CHRM3: variants seen among roughly 807,000 people sequenced by gnomAD.
The protein encoded by CHRM3 is muscarinic acetylcholine receptor M3.
CHRM3 carries 11 observed loss-of-function variants against 41.8 expected under a neutral mutation model. That is an observed-to-expected ratio of 0.26 (90% CI 0.17 to 0.44). The LOEUF is 0.44. Ranked by LOEUF, CHRM3 falls within the 20% of genes least tolerant of loss-of-function variation. The pLI is 1.00. For synonymous variants in CHRM3, 297 were observed against 301.4 expected (o/e 0.99, Z 0.15); for missense variants, 571 against 745.4 (o/e 0.77, Z 2.72).
intron 5 of CHRM3, among the ~76,000 whole-genome samples, chr1:239,757,869 G>A (rs755344138): frequency 6.6e-6 from 1 of 152,168 alleles, no homozygotes; most frequent in African/African-American, 2.4e-5. Context: ...TGAAGCAGCA[G>A]TGGCTTAAGC....
At chr1:239,886,424 C>G (rs1218352012) in intron 6 of CHRM3, 1 of 152,116 alleles carries the variant, frequency 6.6e-6, no homozygotes, top group Non-Finnish European at 1.5e-5. Context: ...TAGACGTTCC[C>G]ATGGCAACAT....
chr1:239,516,656 A>G (rs1669292590), intron 2 of CHRM3, among the ~76,000 whole-genome samples: 1 of 152,208 alleles, frequency 6.6e-6, no homozygotes, highest in African/African-American at 2.4e-5. Context: ...TTCTGGGAAG[A>G]TTAATGCAGG....
chr1:239,408,531 A>AC (rs1553294729), intron 1 of CHRM3, among the ~76,000 whole-genome samples: 1 of 150,968 alleles, frequency 6.6e-6, no homozygotes, highest in African/African-American at 2.4e-5. Context: ...CAAAAAAAAA[A>AC]AAAAAAAAAA....
intron 3 of CHRM3, among the ~76,000 whole-genome samples, chr1:239,613,029 A>G (rs989024553): frequency 6.6e-6 from 1 of 152,240 alleles, no homozygotes; most frequent in African/African-American, 2.4e-5. Context: ...CTGACTGTGT[A>G]TGCTATTTTT....
intron 3 of CHRM3, among the ~76,000 whole-genome samples, chr1:239,584,712 C>T (rs1056197724): frequency 6.6e-6 from 1 of 152,038 alleles, no homozygotes; most frequent in Admixed American, 6.6e-5. Context: ...AAGGGATTTT[C>T]ATTAGAGTCC....
intron 2 of CHRM3, among the ~76,000 whole-genome samples, chr1:239,520,771 T>A (rs1269047134): frequency 6.6e-6 from 1 of 152,236 alleles, no homozygotes; most frequent in Admixed American, 6.5e-5. Context: ...GTAAGCTCCC[T>A]TAGGAAGATT....
chr1:239,831,428 C>A (rs1672888248), intron 6 of CHRM3, among the ~76,000 whole-genome samples: 1 of 152,130 alleles, frequency 6.6e-6, no homozygotes, highest in South Asian at 2.1e-4. Context: ...ATTAAGGCAA[C>A]ACAGTGTCAC....
At chr1:239,549,559 G>T (rs1188822187) in intron 3 of CHRM3, among the ~76,000 whole-genome samples, 1 of 151,018 alleles carries the variant, frequency 6.6e-6, no homozygotes, top group Non-Finnish European at 1.5e-5. Flanking sequence ...TGCCCGGGAG[G>T]CTGAGGCATG....
intron 5 of CHRM3, among the ~76,000 whole-genome samples, chr1:239,699,860 C>T (rs1660524137): frequency 1.3e-5 from 2 of 152,034 alleles, no homozygotes; most frequent in Non-Finnish European, 2.9e-5. Flanking sequence ...GAAACTGTGA[C>T]CAAAACTCTC....
intron 1 of CHRM3, among the ~76,000 whole-genome samples, chr1:239,415,221 C>G (rs942211029): frequency 1.3e-5 from 2 of 152,200 alleles, no homozygotes; most frequent in African/African-American, 4.8e-5. Context: ...AGGAGGATCA[C>G]CTGAGGTCAG....
intron 6 of CHRM3, among the ~76,000 whole-genome samples, chr1:239,831,670 T>G (rs1672905773): frequency 1.3e-5 from 2 of 152,180 alleles, no homozygotes; most frequent in Non-Finnish European, 1.5e-5. Context: ...ATATCTGTCC[T>G]CTGGAAATTA....
At chr1:239,420,038 A>G (rs1661823107) in intron 1 of CHRM3, among the ~76,000 whole-genome samples, 1 of 152,170 alleles carries the variant, frequency 6.6e-6, no homozygotes, top group Non-Finnish European at 1.5e-5. Context: ...CCGCATAACG[A>G]TGGTTTAAGA....
intron 3 of CHRM3, among the ~76,000 whole-genome samples, chr1:239,551,604 A>G (rs946228439): frequency 6.6e-6 from 1 of 152,004 alleles, no homozygotes; most frequent in South Asian, 2.1e-4. Flanking sequence ...TTTGATTTAA[A>G]TGTTTCTTCT....
intron 5 of CHRM3, among the ~76,000 whole-genome samples, chr1:239,796,755 G>T (rs1669809498): frequency 6.6e-6 from 1 of 152,048 alleles, no homozygotes; most frequent in South Asian, 2.1e-4. Context: ...TGGATATATT[G>T]CATGGTGGTG....
chr1:239,598,702 G>A (rs1665104819), intron 3 of CHRM3, among the ~76,000 whole-genome samples: 2 of 152,122 alleles, frequency 1.3e-5, no homozygotes, highest in Admixed American at 1.3e-4. Flanking sequence ...CTTAAAATTT[G>A]AATATGTCCA....
chr1:239,636,836 A>G (rs1350500041), intron 4 of CHRM3, among the ~76,000 whole-genome samples: 1 of 151,930 alleles, frequency 6.6e-6, no homozygotes, highest in Non-Finnish European at 1.5e-5. Flanking sequence ...ATCCCTCCCA[A>G]CCCTGCCTGC....
intron 6 of CHRM3, among the ~76,000 whole-genome samples, chr1:239,856,328 C>CG: frequency 6.6e-6 from 1 of 152,190 alleles, no homozygotes; most frequent in South Asian, 2.1e-4. Context: ...GATTGGATCA[C>CG]GGGGGTGGTT....
chr1:239,439,017 A>C (rs935825428), intron 1 of CHRM3, among the ~76,000 whole-genome samples: 3 of 152,158 alleles, frequency 2.0e-5, no homozygotes, highest in African/African-American at 7.2e-5. Flanking sequence ...CAGTTGTGTA[A>C]GTTGGGCCTA....
chr1:239,635,227 A>C (rs1016016065), intron 4 of CHRM3, among the ~76,000 whole-genome samples: 3 of 152,202 alleles, frequency 2.0e-5, no homozygotes, highest in Non-Finnish European at 2.9e-5. Flanking sequence ...ACATTCTGTC[A>C]CAGCCAGCGT....
Sources: gnomAD v4.1 joint callset for allele counts (sites outside exome capture counted in the v4.1 genomes callset) on GRCh38, gnomAD v4.1.1 for gene constraint, MANE v1.5 for transcripts, NCBI Gene and HGNC (gene_info 2026-07-23, HGNC 2026-07-21) for gene names.